The following ISG20 variants were observed in gnomAD, a reference collection of about 807,000 sequenced individuals.
ISG20 encodes interferon-stimulated gene 20 kDa protein.
ISG20 carries 8 observed loss-of-function variants against 11.1 expected under a neutral mutation model. The ratio of observed to expected loss-of-function variants is 0.72; its 90% CI spans 0.42 to 1.30. The LOEUF (loss-of-function observed/expected upper bound fraction) is 1.30. ISG20 is among the 50% of genes most tolerant of loss of function. ISG20 has a pLI of 0.01. For missense variants in ISG20, 243 were observed against 250.2 expected, an observed-to-expected ratio of 0.97 and a Z score of 0.19; for synonymous variants, 110 against 101.7, an observed-to-expected ratio of 1.08 and a Z score of -0.49.
intron 3 of ISG20, among the ~76,000 whole-genome samples, chr15:88,654,079 G>C (rs2058333633): frequency 6.6e-6 from 1 of 152,194 alleles, no homozygotes. Flanking sequence ...GCTGGGAATT[G>C]CAGCCTGGGG....
Position 88,655,583 on chromosome 15 carries a change from C to A in ISG20, c.*52C>A. ...ACTAGAGGCTTTCGGCTTTTTGGGA[C>A]AGCAACTACCTTGCTTTTGGAAAAT... On this transcript the variant is annotated 3_prime_UTR_variant, in exon 4 of 4. Coordinates refer to ENST00000306072, the MANE Select transcript of ISG20 (RefSeq NM_002201.6). 7.7e-7 allele frequency: 1 copy of A among 1,294,772 alleles called. No individual in the cohort carries two copies. The highest frequency in any genetic ancestry group is 1.1e-6 in the Non-Finnish European group (1 of 915,606). The allele number at this position is 1,294,772 out of a possible 1,614,324, so 80.2% of individuals were successfully genotyped here.
intron 2 of ISG20, among the ~76,000 whole-genome samples, chr15:88,640,424 T>C (rs1331864113): frequency 6.6e-6 from 1 of 152,216 alleles, no homozygotes; most frequent in Non-Finnish European, 1.5e-5. Flanking sequence ...TGGCCATTCC[T>C]GAGCTCATTC....
Position 88,639,416 on chromosome 15 carries a change from TG to T in ISG20, c.54del (p.His20ThrfsTer12). On this transcript the variant is annotated frameshift_variant, in exon 2 of 4. Transcript: ENST00000306072. LOFTEE classifies it high-confidence loss of function. The surrounding 1 kb of genome is among the most constrained non-coding windows in gnomAD (Gnocchi z 4.2). ...VVAMDCEMVG[L>X]GPHRESGLAR... ...GCCATGGACTGCGAGATGGTGGGGC[TG>T]GGGCCCCACCGGGAGAGTGGCCTGG... 2 of 1,602,578 alleles carry T rather than the reference TG, an allele frequency of 1.2e-6. No individual in the cohort carries two copies. The highest frequency in any genetic ancestry group is 1.7e-6 in the Non-Finnish European group (2 of 1,173,502).
At chr15:88,641,252 G>A (rs778490004) in intron 2 of ISG20, among the ~76,000 whole-genome samples, 7 of 152,070 alleles carry the variant, frequency 4.6e-5, no homozygotes, top group Non-Finnish European at 1.0e-4. Flanking sequence ...CGCCCACCTC[G>A]GCCTCCCAAA....
rs1459545320 is a variant in ISG20 at position 88,650,834 on chromosome 15, C to T, written c.229-1276C>T. The T allele has an allele frequency of 6.5e-6, 1 of 154,554 alleles. No homozygotes were observed. Among genetic ancestry groups the T allele is most frequent in the African/African-American group, 2.4e-5 (1 of 41,436 alleles). The allele number at this position is 154,554 out of a possible 1,614,324, so 9.6% of individuals were successfully genotyped here. A position where few individuals can be genotyped will look rare whatever the true frequency, so the allele number is the denominator to read the frequency against. On this transcript the variant is annotated intron_variant, in intron 2 of 3. Coordinates refer to ENST00000306072, the MANE Select transcript of ISG20 (RefSeq NM_002201.6). This position sits in a 1 kb window ranked among gnomAD's most constrained non-coding sequence, Gnocchi z 4.0. Reference sequence around the variant, plus strand: ...AGTCGCCCAAGCTGTAGTGCAGTGGCACGATCTCAGCTCACTTGCAATCTC... The same window carrying T: ...AGTCGCCCAAGCTGTAGTGCAGTGGTACGATCTCAGCTCACTTGCAATCTC...
Position 88,652,330 on chromosome 15 carries a change from TCTCCTCCTCCCCCCTCCTCCCC to T in ISG20, c.429+28_429+49del. 6.3e-7 allele frequency: 1 copy of T among 1,575,516 alleles called. No homozygotes were observed. Among genetic ancestry groups the T allele is most frequent in the Non-Finnish European group, 8.6e-7 (1 of 1,157,424 alleles). ...ATCCAGGTGAGAACCTCCTCGTCCTTCTCCTCCTCCCCCCTCCTCCCCCTCCTCCCCCTCCTCCTCACCCATC... is the reference window on the plus strand; with the variant it reads ...ATCCAGGTGAGAACCTCCTCGTCCTTCTCCTCCCCCTCCTCCTCACCCATC... On this transcript the variant is annotated intron_variant, in intron 3 of 3. Coordinates refer to ENST00000306072, the MANE Select transcript of ISG20 (RefSeq NM_002201.6).
At chr15:88,651,877 C>T in intron 2 of ISG20, 2 of 1,387,214 alleles carry the variant, frequency 1.4e-6, no homozygotes, top group Middle Eastern at 2.7e-4. Context: ...CTACACAGTT[C>T]AGCTCCTGAA....
chr15:88,652,365 CTCCTCACCCATCTCCATT>C, intron 3 of ISG20, 55 bp downstream of exon 3: 2 of 1,000,888 alleles, frequency 2.0e-6, no homozygotes, highest in South Asian at 1.6e-5. Context: ...CCTCCCCCTC[CTCCTCACCCATCTCCATT>C]TCCTCCCCCT....
At chr15:88,646,175 T>G (rs923655466) in intron 2 of ISG20, among the ~76,000 whole-genome samples, 1 of 152,212 alleles carries the variant, frequency 6.6e-6, no homozygotes, top group Admixed American at 6.5e-5. Flanking sequence ...TCAACCTCTC[T>G]GTGCTCCCCT....
chr15:88,640,919 C>T (rs1363559253), intron 2 of ISG20, among the ~76,000 whole-genome samples: 3 of 150,104 alleles, frequency 2.0e-5, no homozygotes, highest in Non-Finnish European at 3.0e-5. Flanking sequence ...AGATGGCACC[C>T]ACTCCAGCCT....
At position 88,640,062 on chromosome 15, in the gene ISG20, T is replaced by G. The variant is rs527335685; in HGVS notation, c.228+468T>G. On this transcript the variant is annotated intron_variant, in intron 2 of 3. Coordinates refer to ENST00000306072, the MANE Select transcript of ISG20 (RefSeq NM_002201.6). Reference sequence around the variant, plus strand: ...GCTAGCATTCTGACCCAGAGTAGGCTGTCTGCTCAGTTTGAATCCTGAGTT... The same window carrying G: ...GCTAGCATTCTGACCCAGAGTAGGCGGTCTGCTCAGTTTGAATCCTGAGTT... 5.9e-5 allele frequency among the ~76,000 whole-genome samples: 9 copies of G among 152,342 alleles called. No individual in the cohort carries two copies. In the South Asian group the frequency reaches 1.9e-3, roughly 32 times the overall value.
chr15:88,639,203 A>G lies in ISG20; in HGVS notation c.-25+127A>G. 1.6e-6 allele frequency: 1 copy of G among 613,992 alleles called. No individual in the cohort carries two copies. Among genetic ancestry groups the G allele is most frequent in the Non-Finnish European group, 2.9e-6 (1 of 348,608 alleles). The allele number at this position is 613,992 out of a possible 1,614,324, so 38.0% of individuals were successfully genotyped here. On this transcript the variant is annotated intron_variant, in intron 1 of 3. Coordinates refer to ENST00000306072, the MANE Select transcript of ISG20 (RefSeq NM_002201.6). The surrounding 1 kb of genome is among the most constrained non-coding windows in gnomAD (Gnocchi z 4.2). ...GGTAAGGCAGGGGATGGGGGAGGCA[A>G]GAGGCCAGCTTCCACTGTGGCCAGG...
chr15:88,639,993 C>T lies in ISG20; in HGVS notation c.228+399C>T, dbSNP rs1244888138. ...GGCAAGAGGCTTTGGCCCTCCCAGTCCTGGAGAACAGGCTGAGCCTCGGGC... is the reference window on the plus strand; with the variant it reads ...GGCAAGAGGCTTTGGCCCTCCCAGTTCTGGAGAACAGGCTGAGCCTCGGGC... On this transcript the variant is annotated intron_variant, in intron 2 of 3. Transcript: ENST00000306072. The surrounding 1 kb of genome is among the most constrained non-coding windows in gnomAD (Gnocchi z 4.2). Among the ~76,000 whole-genome samples, 2 of 152,212 alleles carry T rather than the reference C, an allele frequency of 1.3e-5. No homozygotes were observed. Among genetic ancestry groups the T allele is most frequent in the East Asian group, 3.8e-4 (2 of 5,198 alleles).
At position 88,650,184 on chromosome 15, in the gene ISG20, G is replaced by T; in HGVS notation, c.229-1926G>T. The T allele has an allele frequency of 6.8e-7, 1 of 1,480,646 alleles. No individual in the cohort carries two copies. The highest frequency in any genetic ancestry group is 9.1e-7 in the Non-Finnish European group (1 of 1,096,994). 91.7% of individuals were successfully genotyped at this position (1,480,646 alleles called of 1,614,324 possible). A position where few individuals can be genotyped will look rare whatever the true frequency, so the allele number is the denominator to read the frequency against. The stretch of plus-strand genomic sequence containing the variant: ...AGCTGTCCAAAGTGGGCCTGGACTA[G>T]CCACGAGCCGCCCCTTTCCCTAATA... On this transcript the variant is annotated intron_variant, in intron 2 of 3. Coordinates refer to ENST00000306072, the MANE Select transcript of ISG20 (RefSeq NM_002201.6). The surrounding 1 kb of genome is among the most constrained non-coding windows in gnomAD (Gnocchi z 4.0).
In ISG20 at chr15:88,643,066, AT is replaced by A. The variant is rs1315183276; in HGVS notation, c.228+3473del. On this transcript the variant is annotated intron_variant, in intron 2 of 3. Coordinates refer to ENST00000306072, the MANE Select transcript of ISG20 (RefSeq NM_002201.6). This position sits in a 1 kb window ranked among gnomAD's most constrained non-coding sequence, Gnocchi z 4.4. ...TGGTGAGATCTCCTCTACAAAAAAA[AT>A]AAATAAATAAAATAAAAATTAGCCA... Among the ~76,000 whole-genome samples, 12 of 152,076 alleles carry A rather than the reference AT, an allele frequency of 7.9e-5. No homozygotes were observed. The highest frequency in any genetic ancestry group is 2.4e-4 in the African/African-American group (10 of 41,512).
rs905715638 is a variant in ISG20 at position 88,639,815 on chromosome 15, A to G, written c.228+221A>G. On this transcript the variant is annotated intron_variant, in intron 2 of 3. Transcript: ENST00000306072. This position sits in a 1 kb window ranked among gnomAD's most constrained non-coding sequence, Gnocchi z 4.2. Reference sequence around the variant, plus strand: ...TCTGGAAGCCGCCTTTGGGGCATCTATCTGGATCTGGTCCAACTTGCCGGT... The same window carrying G: ...TCTGGAAGCCGCCTTTGGGGCATCTGTCTGGATCTGGTCCAACTTGCCGGT... 7.2e-5 allele frequency among the ~76,000 whole-genome samples: 11 copies of G among 152,188 alleles called. No homozygotes were observed. Among genetic ancestry groups the G allele is most frequent in the Non-Finnish European group, 2.9e-5 (2 of 68,018 alleles).
chr15:88,651,397 A>C, intron 2 of ISG20: 189 of 649,670 alleles, frequency 2.9e-4, no homozygotes, highest in Middle Eastern at 8.1e-4. Context: ...CGTGGGTCTC[A>C]CTGGTCTAAA....
chr15:88,639,358 C>T lies in ISG20; in HGVS notation c.-9C>T, dbSNP rs1267360430. On this transcript the variant is annotated 5_prime_UTR_variant, in exon 2 of 4. Transcript: ENST00000306072. The surrounding 1 kb of genome is among the most constrained non-coding windows in gnomAD (Gnocchi z 4.2). ...CTCTCTCCAGCATCTCTGAGGGTCC[C>T]CAAGGAACATGGCTGGGAGCCGTGA... The T allele has an allele frequency of 6.2e-7, 1 of 1,606,618 alleles. No homozygotes were observed. The highest frequency in any genetic ancestry group is 8.5e-7 in the Non-Finnish European group (1 of 1,175,654).
At position 88,655,702 on chromosome 15, in the gene ISG20, G is replaced by C; in HGVS notation, c.*171G>C. On this transcript the variant is annotated 3_prime_UTR_variant, in exon 4 of 4. Coordinates refer to ENST00000306072, the MANE Select transcript of ISG20 (RefSeq NM_002201.6). ...CTCCAAGCTGGGTTAACAGTAGACA[G>C]GACCCATTTCTGTGTGATGTTAGGA... 1.8e-6 allele frequency: 1 copy of C among 545,238 alleles called. No homozygotes were observed. The highest frequency in any genetic ancestry group is 3.2e-6 in the Non-Finnish European group (1 of 307,906). The allele number at this position is 545,238 out of a possible 1,614,324, so 33.8% of individuals were successfully genotyped here.
Sources: gnomAD v4.1 joint callset for allele counts (sites outside exome capture counted in the v4.1 genomes callset) on GRCh38, gnomAD v4.1.1 for gene constraint, Gnocchi (gnomAD v3.1) non-coding constraint, MANE v1.5 for transcripts, NCBI Gene and HGNC (gene_info 2026-07-23, HGNC 2026-07-21) for gene names.